Variants in RAB27B observed in about 807,000 individuals in gnomAD.
RAB27B encodes the protein ras-related protein Rab-27B.
In RAB27B, 15 loss-of-function variants were observed where a neutral mutation model predicts 24.6. That is an observed-to-expected ratio of 0.61 (90% confidence interval 0.41 to 0.94). The LOEUF is 0.94. Ranked by LOEUF, RAB27B falls within the 40% of genes least tolerant of loss-of-function variation. RAB27B has a pLI of 0.00. For missense variants in RAB27B, 261 were observed against 266.8 expected, an observed-to-expected ratio of 0.98 and a Z score of 0.15; for synonymous variants, 105 against 92.5, an observed-to-expected ratio of 1.14 and a Z score of -0.78.
chr18:54,765,564 A>G (rs1381198227), intron 2 of RAB27B, among the ~76,000 whole-genome samples: 2 of 152,136 alleles, frequency 1.3e-5, no homozygotes, highest in African/African-American at 4.8e-5. Context: ...TGAAAATCCC[A>G]ATGCCTTCAT....
At chr18:54,776,058 A>G (rs2145080410) in intron 2 of RAB27B, among the ~76,000 whole-genome samples, 1 of 152,334 alleles carries the variant, frequency 6.6e-6, no homozygotes, top group Middle Eastern at 3.4e-3. Context: ...CCTGTGTATA[A>G]ATCCTATTTG....
chr18:54,803,481 T>A (rs1382795633), intron 2 of RAB27B, among the ~76,000 whole-genome samples: 1 of 152,128 alleles, frequency 6.6e-6, no homozygotes, highest in Admixed American at 6.6e-5. Context: ...ACATGATCAG[T>A]AGACAGTAGA....
intron 2 of RAB27B, among the ~76,000 whole-genome samples, chr18:54,737,665 A>G (rs907887879): frequency 2.0e-5 from 3 of 152,286 alleles, no homozygotes; most frequent in African/African-American, 7.2e-5. Flanking sequence ...ATACATGTTT[A>G]TTGAAAGAAT....
intron 2 of RAB27B, among the ~76,000 whole-genome samples, chr18:54,762,634 C>A (rs1908227995): frequency 6.6e-6 from 1 of 152,144 alleles, no homozygotes; most frequent in South Asian, 2.1e-4. Flanking sequence ...GTGTGCTAGG[C>A]TTTCTCAGTA....
rs2145271284 is a variant in RAB27B at position 54,877,492 on chromosome 18, T to C, written c.-19-75T>C. 3.4e-6 allele frequency: 4 copies of C among 1,163,310 alleles called. No individual in the cohort carries two copies. The East Asian group carries it at 1.2e-4, about 34-fold the overall frequency. 72.1% of individuals were successfully genotyped at this position (1,163,310 alleles called of 1,614,324 possible). The stretch of plus-strand genomic sequence containing the variant: ...ACTTTTTAACCCTGAAAATTAAATT[T>C]ATGTCATATTTTGATATAAAGCAAA... On this transcript the variant is annotated intron_variant, in intron 1 of 5. Coordinates refer to ENST00000262094, the MANE Select transcript of RAB27B (RefSeq NM_004163.4).
At chr18:54,799,994 A>G (rs1909551449) in intron 2 of RAB27B, among the ~76,000 whole-genome samples, 1 of 152,186 alleles carries the variant, frequency 6.6e-6, no homozygotes, top group South Asian at 2.1e-4. Flanking sequence ...CCACACAGAA[A>G]CAATCAGTAA....
Position 54,852,758 on chromosome 18 carries a change from T to C in RAB27B, c.-20+24058T>C, listed in dbSNP as rs774031461. On this transcript the variant is annotated intron_variant, in intron 1 of 5. Coordinates refer to ENST00000262094, the MANE Select transcript of RAB27B (RefSeq NM_004163.4). ...GTCTTTTGCTAATGAACCTTATTGT[T>C]CCCCTCAAGTTGTGTGTATATCATA... Among the ~76,000 whole-genome samples the C allele has an allele frequency of 4.6e-5, 7 of 152,238 alleles. No homozygotes were observed. The Middle Eastern group carries it at 0.014, about 296-fold the overall frequency.
intron 2 of RAB27B, among the ~76,000 whole-genome samples, chr18:54,768,458 A>C (rs1289506471): frequency 6.6e-6 from 1 of 152,104 alleles, no homozygotes; most frequent in Non-Finnish European, 1.5e-5. Flanking sequence ...TAGATACATA[A>C]TTTTCATATG....
In RAB27B at chr18:54,889,327, A is replaced by G; in HGVS notation, c.571A>G (p.Lys191Glu). 6.2e-7 allele frequency: 1 copy of G among 1,613,454 alleles called. No individual in the cohort carries two copies. The highest frequency in any genetic ancestry group is 8.5e-7 in the Non-Finnish European group (1 of 1,179,526). ...IMKRMEQCVEKTQIPDTVNGG... is the reference protein window; with the variant it reads ...IMKRMEQCVEETQIPDTVNGG... ...GAAGCGAATGGAACAGTGTGTGGAG[A>G]AGACACAAATCCCTGATACTGTCAA... The change falls in exon 6 of 6, where the codon AAG becomes GAG. Residue 191 changes from lysine to glutamate, a missense_variant. Lys to Glu is a moderately conservative substitution (Grantham distance 56, BLOSUM62 1). Coordinates refer to ENST00000262094, the MANE Select transcript of RAB27B (RefSeq NM_004163.4).
chr18:54,726,186 A>C (rs1034103955), intron 2 of RAB27B, among the ~76,000 whole-genome samples: 13 of 151,526 alleles, frequency 8.6e-5, no homozygotes, highest in Non-Finnish European at 1.8e-4. Context: ...CTTTCCCCCA[A>C]GTTACTCAAT....
chr18:54,816,273 C>G (rs1326302213), intron 2 of RAB27B, among the ~76,000 whole-genome samples: 2 of 152,178 alleles, frequency 1.3e-5, no homozygotes, highest in Non-Finnish European at 2.9e-5. Context: ...AAGGCCAAAT[C>G]AAGAGTAGGT....
chr18:54,779,948 C>A (rs1245812056), intron 2 of RAB27B, among the ~76,000 whole-genome samples: 3 of 151,008 alleles, frequency 2.0e-5, no homozygotes, highest in Non-Finnish European at 3.0e-5. Context: ...CCATGTCCCC[C>A]CTCTCCTGAC....
intron 2 of RAB27B, among the ~76,000 whole-genome samples, chr18:54,763,614 A>G (rs1245509012): frequency 6.6e-6 from 1 of 152,192 alleles, no homozygotes; most frequent in Non-Finnish European, 1.5e-5. Flanking sequence ...TATTCTGCCT[A>G]TGGTACGATG....
At position 54,889,195 on chromosome 18, in the gene RAB27B, A is replaced by T. The variant is rs1296310184; in HGVS notation, c.468-29A>T. 1.9e-6 allele frequency: 3 copies of T among 1,577,182 alleles called. No individual in the cohort carries two copies. In the East Asian group the frequency reaches 6.8e-5, roughly 36 times the overall value. Reference sequence around the variant, plus strand: ...GTATCTGTTCTGATTTCTTCCTCTCAAAAATATTTGCCATCCTTTCTATGC... The same window carrying T: ...GTATCTGTTCTGATTTCTTCCTCTCTAAAATATTTGCCATCCTTTCTATGC... On this transcript the variant is annotated intron_variant, in intron 5 of 5. Coordinates refer to ENST00000262094, the MANE Select transcript of RAB27B (RefSeq NM_004163.4).
chr18:54,853,935 A>G (rs1911683977), intron 1 of RAB27B, among the ~76,000 whole-genome samples: 1 of 152,108 alleles, frequency 6.6e-6, no homozygotes, highest in South Asian at 2.1e-4. Context: ...TACATCTAGA[A>G]TCCAGTAATG....
At chr18:54,774,226 C>T (rs1908646418) in intron 2 of RAB27B, among the ~76,000 whole-genome samples, 1 of 152,080 alleles carries the variant, frequency 6.6e-6, no homozygotes, top group South Asian at 2.1e-4. Flanking sequence ...AATTATAACC[C>T]TAGAAGGCTT....
chr18:54,769,416 T>C (rs1908470495), intron 2 of RAB27B, among the ~76,000 whole-genome samples: 1 of 151,906 alleles, frequency 6.6e-6, no homozygotes. Context: ...TTTGATCTTC[T>C]AGAAATAGCC....
chr18:54,836,960 A>C (rs945305009), intron 1 of RAB27B, among the ~76,000 whole-genome samples: 4 of 152,184 alleles, frequency 2.6e-5, no homozygotes, highest in Admixed American at 2.6e-4. Flanking sequence ...TGACAATACC[A>C]ATTTAATCTC....
intron 1 of RAB27B, among the ~76,000 whole-genome samples, chr18:54,858,687 C>T (rs1911888956): frequency 6.6e-6 from 1 of 152,110 alleles, no homozygotes; most frequent in Non-Finnish European, 1.5e-5. Context: ...GCCAGGAAAA[C>T]TCTTGAGTTT....
Sources: gnomAD v4.1 joint callset for allele counts (sites outside exome capture counted in the v4.1 genomes callset) on GRCh38, gnomAD v4.1.1 for gene constraint, MANE v1.5 for transcripts, NCBI Gene and HGNC (gene_info 2026-07-23, HGNC 2026-07-21) for gene names.